TMEM39B: variants seen among roughly 807,000 people sequenced by gnomAD.
TMEM39B encodes the protein transmembrane protein 39B.
In TMEM39B, 23 loss-of-function variants were observed where a neutral mutation model predicts 52.2. The ratio of observed to expected loss-of-function variants is 0.44; its 90% CI spans 0.32 to 0.62. The LOEUF (loss-of-function observed/expected upper bound fraction) is 0.62, where lower values mean the gene tolerates loss of function less well. TMEM39B is among the 20% of genes least tolerant of loss of function. The pLI is 0.06. For synonymous variants in TMEM39B, 285 were observed against 264.0 expected (o/e 1.08, Z -0.77); for missense variants, 547 against 642.0 (o/e 0.85, Z 1.60).
chr1:32,077,092 G>T (rs1382170083), intron 4 of TMEM39B, 72 bp from the exon 5 acceptor site: 5 of 1,585,168 alleles, frequency 3.2e-6, no homozygotes, highest in South Asian at 1.1e-5. Flanking sequence ...AGGTCATGCT[G>T]GGTGGGATTT....
In TMEM39B at chr1:32,094,910, G is replaced by A. The variant is rs778742208; in HGVS notation, c.1054G>A (p.Ala352Thr). ...SYCDLLHKAA[A>T]HLGCWQKVDP... ...CTGTGACCTGCTGCACAAGGCCGCC[G>A]CCCATCTGGGCTGTTGGCAGAAGGT... The change falls in exon 7 of 9, where the codon GCC (alanine) becomes ACC (threonine). Residue 352 changes from alanine (A) to threonine (T), a missense_variant. Physicochemically the swap from Ala to Thr is moderately conservative, Grantham distance 58. Transcript: ENST00000336294. 101 of 1,613,772 alleles carry A rather than the reference G, an allele frequency of 6.3e-5. 1 individual carries two copies. The South Asian group carries it at 7.9e-4, about 13-fold the overall frequency.
intron 7 of TMEM39B, among the ~76,000 whole-genome samples, chr1:32,100,116 C>T (rs911583078): frequency 6.6e-6 from 1 of 151,978 alleles, no homozygotes; most frequent in South Asian, 2.1e-4. Context: ...TTACAAAGAC[C>T]ACTCAGACAA....
Position 32,100,437 on chromosome 1 carries a change from C to T in TMEM39B, c.1116-5C>T. ...ATAAGGGGCACCATTGAACTGTGCC[C>T]CCAGGTGGACTGAAGAATGCATGTG... is the stretch of plus-strand genomic sequence containing the variant. On this transcript the variant is annotated splice_polypyrimidine_tract_variant and splice_region_variant and intron_variant, in intron 7 of 8. Transcript: ENST00000336294. The T allele has an allele frequency of 6.3e-7, 1 of 1,583,440 alleles. No individual in the cohort carries two copies. The highest frequency in any genetic ancestry group is 8.6e-7 in the Non-Finnish European group (1 of 1,165,108).
intron 7 of TMEM39B, among the ~76,000 whole-genome samples, chr1:32,097,114 T>C (rs1158337236): frequency 6.6e-6 from 1 of 152,094 alleles, no homozygotes; most frequent in Admixed American, 6.6e-5. Context: ...CTACAAATCT[T>C]AAAGGGTACA....
Position 32,091,740 on chromosome 1 carries a change from A to G in TMEM39B, c.656A>G (p.His219Arg). Reference protein sequence around the residue: ...CDLRKTSLFNHMASMGPREAV... With the variant: ...CDLRKTSLFNRMASMGPREAV... ...CTCCGCAAGACAAGCCTCTTCAACC[A>G]CATGGCCTCCATGGGGCCCCGGGAG... The change falls in exon 6 of 9, where the codon CAC (histidine) becomes CGC (arginine). Residue 219 changes from histidine (H) to arginine (R), a missense_variant. His to Arg is a conservative substitution (Grantham distance 29). Transcript: ENST00000336294. 3 of 1,614,092 alleles carry G rather than the reference A, an allele frequency of 1.9e-6. No homozygotes were observed. The East Asian group carries it at 6.7e-5, about 36-fold the overall frequency.
intron 4 of TMEM39B, 25 bp from the exon 5 acceptor site, chr1:32,077,138 TC>T: frequency 6.2e-7 from 1 of 1,613,092 alleles, no homozygotes; most frequent in Non-Finnish European, 8.5e-7. Context: ...CAAGGCCCCA[TC>T]CCGTCCTATC....
intron 7 of TMEM39B, among the ~76,000 whole-genome samples, chr1:32,100,184 G>A (rs1480810052): frequency 6.6e-6 from 1 of 152,168 alleles, no homozygotes; most frequent in African/African-American, 2.4e-5. Flanking sequence ...AAGGGACCCA[G>A]AGAGGAAGAA....
intron 5 of TMEM39B, among the ~76,000 whole-genome samples, chr1:32,090,624 G>T (rs561060348): frequency 8.5e-4 from 128 of 151,476 alleles, no homozygotes; most frequent in Non-Finnish European, 9.6e-4. Context: ...ATTTTTTTTT[G>T]TTGTTGTTGT....
Position 32,098,039 on chromosome 1 carries a change from C to A in TMEM39B, c.1116-2403C>A, listed in dbSNP as rs909092171. Among the ~76,000 whole-genome samples, 3 of 152,032 alleles carry A rather than the reference C, an allele frequency of 2.0e-5. No individual in the cohort carries two copies. In the East Asian group the frequency reaches 5.8e-4, roughly 29 times the overall value. ...GAGACGGGGTTTCGCTCTTGTTGCC[C>A]AGGTTGGAGTGCAGTGCTGCGATCT... On this transcript the variant is annotated intron_variant, in intron 7 of 8. Coordinates refer to ENST00000336294, the MANE Select transcript of TMEM39B (RefSeq NM_018056.4).
At chr1:32,073,986 C>T (rs866344985) in intron 1 of TMEM39B, 4 of 726,508 alleles carry the variant, frequency 5.5e-6, no homozygotes, top group Non-Finnish European at 6.7e-6. Context: ...TGGTCTCAAG[C>T]GATCCTCCCG....
intron 6 of TMEM39B, among the ~76,000 whole-genome samples, chr1:32,093,765 A>G (rs1050948580): frequency 7.3e-5 from 11 of 150,594 alleles, no homozygotes; most frequent in African/African-American, 1.5e-4. Context: ...AAGTGTTACA[A>G]TCCTCCTAGC....
At chr1:32,093,399 CTTTTTTTTTTT>C (rs34793281) in intron 6 of TMEM39B, among the ~76,000 whole-genome samples, 46 of 50,332 alleles carry the variant, frequency 9.1e-4, no homozygotes, top group African/African-American at 2.0e-3. Flanking sequence ...AAGCCCGGCC[CTTTTTTTTTTT>C]TTTTTTTTTT....
chr1:32,098,407 G>A (rs1232905612), intron 7 of TMEM39B, among the ~76,000 whole-genome samples: 1 of 152,018 alleles, frequency 6.6e-6, no homozygotes, highest in Admixed American at 6.6e-5. Context: ...CAGGCCCTTG[G>A]GATTCCTGGG....
rs149914881 is a variant in TMEM39B, at chr1:32,080,391, C to T, written c.590+3073C>T. Among the ~76,000 whole-genome samples the T allele has an allele frequency of 7.0e-4, 106 of 151,936 alleles. 1 individual carries two copies. The highest frequency in any genetic ancestry group is 2.4e-3 in the African/African-American group (99 of 41,440). On this transcript the variant is annotated intron_variant, in intron 5 of 8. Coordinates refer to ENST00000336294, the MANE Select transcript of TMEM39B (RefSeq NM_018056.4). ...TAGAACTTAAGAGTTGCCTGTCGGA[C>T]GCGGTGGCTCATGCCTGTAATCCCA... is the stretch of plus-strand genomic sequence containing the variant.
chr1:32,091,183 A>G (rs1569919170), intron 5 of TMEM39B, among the ~76,000 whole-genome samples: 1 of 148,820 alleles, frequency 6.7e-6, no homozygotes, highest in South Asian at 2.1e-4. Context: ...TCCCACCCCC[A>G]CCTGCCCTAT....
intron 8 of TMEM39B, among the ~76,000 whole-genome samples, chr1:32,102,103 A>T (rs1332532332): frequency 6.6e-6 from 1 of 152,090 alleles, no homozygotes; most frequent in African/African-American, 2.4e-5. Context: ...ATTAAAAAAA[A>T]TTTTTTTAAA....
intron 5 of TMEM39B, among the ~76,000 whole-genome samples, chr1:32,079,089 G>T (rs1639984293): frequency 6.6e-6 from 1 of 150,606 alleles, no homozygotes. Flanking sequence ...AGAGATGAGG[G>T]TCTTGCTGTA....
chr1:32,086,169 A>T (rs1640341222), intron 5 of TMEM39B, among the ~76,000 whole-genome samples: 1 of 152,134 alleles, frequency 6.6e-6, no homozygotes, highest in Admixed American at 6.6e-5. Flanking sequence ...GAGTAGGGGA[A>T]TAAAGGGACT....
At chr1:32,099,897 A>G (rs1035006023) in intron 7 of TMEM39B, among the ~76,000 whole-genome samples, 2 of 152,172 alleles carry the variant, frequency 1.3e-5, no homozygotes, top group African/African-American at 2.4e-5. Flanking sequence ...AAATACAAAA[A>G]TTAGCTGGGC....
Sources: gnomAD v4.1 joint callset for allele counts (sites outside exome capture counted in the v4.1 genomes callset) on GRCh38, gnomAD v4.1.1 for gene constraint, MANE v1.5 for transcripts, NCBI Gene and HGNC (gene_info 2026-07-23, HGNC 2026-07-21) for gene names.